Variants in HLTF observed in about 807,000 individuals in gnomAD.
HLTF encodes the protein DNA-dependent ATPase/E3 ubiquitin-protein ligase HLTF.
A neutral mutation model predicts 129.4 loss-of-function variants in HLTF; 127 were observed. The observed-to-expected ratio is 0.98, with a 90% CI of 0.85 to 1.14. The LOEUF (loss-of-function observed/expected upper bound fraction) is 1.14. Among genes scored for constraint, HLTF ranks in the 50% most tolerant of loss-of-function variants. The pLI is 0.00. For synonymous variants in HLTF, 332 were observed against 388.8 expected (o/e 0.85, Z 1.72); for missense variants, 1,139 against 1,187.1 (o/e 0.96, Z 0.60).
At chr3:149,086,512 CCGTCTCCTTCTGCAACAATCTGG>C in exon 1 of HLTF, 1 of 650,668 alleles carries the variant, frequency 1.5e-6, no homozygotes, top group Non-Finnish European at 2.7e-6. Context: ...GACGTCGACG[CCGTCTCCTTCTGCAACAATCTGG>C]GAGACCAGCG....
At chr3:149,038,846 T>C (rs1362776219) in intron 23 of HLTF, among the ~76,000 whole-genome samples, 2 of 152,172 alleles carry the variant, frequency 1.3e-5, no homozygotes, top group Non-Finnish European at 1.5e-5. Context: ...ATCTACCTCA[T>C]AAGGATGTTG....
Position 149,032,140 on chromosome 3 carries a change from C to A in HLTF, c.*80G>T. On this transcript the variant is annotated 3_prime_UTR_variant, in exon 25 of 25. Coordinates refer to ENST00000310053, the MANE Select transcript of HLTF (RefSeq NM_003071.4). ...CTTTTAGAAGACGTGTTCTCTAGATCTCATTTCTAAAACTCTGTATTTTTC... is the reference window on the plus strand; with the variant it reads ...CTTTTAGAAGACGTGTTCTCTAGATATCATTTCTAAAACTCTGTATTTTTC... The A allele has an allele frequency of 9.1e-7, 1 of 1,098,424 alleles. No homozygotes were observed. The highest frequency in any genetic ancestry group is 2.6e-5 in the East Asian group (1 of 38,584). 68.0% of individuals were successfully genotyped at this position (1,098,424 alleles called of 1,614,324 possible).
In HLTF at chr3:149,063,479, T is replaced by G. The variant is rs1718121788; in HGVS notation, c.1112A>C (p.Glu371Ala). ...SEQPSISDIKEKSKFRMSELS... is the reference protein window; with the variant it reads ...SEQPSISDIKAKSKFRMSELS... Reference sequence around the variant, plus strand: ...TTCTGACATGCGAAACTTACTCTTCTCCTTGATATCTGAAATACTGGGTTG... The same window carrying G: ...TTCTGACATGCGAAACTTACTCTTCGCCTTGATATCTGAAATACTGGGTTG... Residue 371 changes from glutamate to alanine, a missense_variant, in exon 10 of 25, where the codon GAG becomes GCG. Coordinates refer to ENST00000310053, the MANE Select transcript of HLTF (RefSeq NM_003071.4). The G allele has an allele frequency of 2.5e-6, 4 of 1,611,682 alleles. No individual in the cohort carries two copies. Among genetic ancestry groups the G allele is most frequent in the Non-Finnish European group, 3.4e-6 (4 of 1,177,928 alleles).
At chr3:149,034,125 A>T (rs1211420482) in intron 24 of HLTF, among the ~76,000 whole-genome samples, 4 of 152,192 alleles carry the variant, frequency 2.6e-5, no homozygotes, top group Non-Finnish European at 5.9e-5. Flanking sequence ...GTAAATGCAA[A>T]TTAGAACAGC....
intron 13 of HLTF, among the ~76,000 whole-genome samples, chr3:149,056,239 A>C (rs535973700): frequency 1.3e-4 from 20 of 152,342 alleles, no homozygotes; most frequent in African/African-American, 4.8e-4. Flanking sequence ...TAAATGGCTA[A>C]GTTTTAGGAT....
chr3:149,051,602 T>C (rs1047952050), intron 14 of HLTF, among the ~76,000 whole-genome samples: 2 of 152,236 alleles, frequency 1.3e-5, no homozygotes, highest in African/African-American at 4.8e-5. Context: ...AGCTCATGCC[T>C]GTAATCCCGG....
At position 149,032,037 on chromosome 3, in the gene HLTF, T is replaced by G. The variant is rs149651192; in HGVS notation, c.*183A>C. The G allele has an allele frequency of 9.6e-6, 4 of 417,066 alleles. No individual in the cohort carries two copies. Among genetic ancestry groups the G allele is most frequent in the African/African-American group, 8.2e-5 (4 of 48,668 alleles). 25.8% of individuals were successfully genotyped at this position (417,066 alleles called of 1,614,324 possible). On this transcript the variant is annotated 3_prime_UTR_variant, in exon 25 of 25. Transcript: ENST00000310053. ...GTATATAACGGAACTTATTGCTATT[T>G]GAAGTTTCATTAAAAATAGGTTCAT...
intron 14 of HLTF, among the ~76,000 whole-genome samples, chr3:149,053,042 T>G (rs1197481925): frequency 6.6e-6 from 1 of 152,218 alleles, no homozygotes; most frequent in Non-Finnish European, 1.5e-5. Context: ...GAAGTAGGAT[T>G]GGTACCCAGG....
chr3:149,078,851 C>T lies in HLTF; in HGVS notation c.229-2804G>A, dbSNP rs577637656. On this transcript the variant is annotated intron_variant, in intron 2 of 24. Coordinates refer to ENST00000310053, the MANE Select transcript of HLTF (RefSeq NM_003071.4). Reference sequence around the variant, plus strand: ...CAGCCTGGGCGACAAAGCAAGACTCCGTCTCAAAAAAAAAAAAAAATAAGT... The same window carrying T: ...CAGCCTGGGCGACAAAGCAAGACTCTGTCTCAAAAAAAAAAAAAAATAAGT... 3.9e-4 allele frequency among the ~76,000 whole-genome samples: 53 copies of T among 135,484 alleles called. No homozygotes were observed. The East Asian group carries it at 7.6e-3, about 20-fold the overall frequency. The allele number at this position is 135,484 out of a possible 152,430, so 88.9% of individuals were successfully genotyped here.
chr3:149,077,185 T>G (rs1264090959), intron 2 of HLTF, among the ~76,000 whole-genome samples: 1 of 151,716 alleles, frequency 6.6e-6, no homozygotes, highest in Non-Finnish European at 1.5e-5. Flanking sequence ...CAGGCAGAGG[T>G]TGCAGTGAGC....
At chr3:149,080,378 T>C (rs1383472072) in intron 2 of HLTF, among the ~76,000 whole-genome samples, 6 of 147,898 alleles carry the variant, frequency 4.1e-5, no homozygotes, top group Non-Finnish European at 7.4e-5. Flanking sequence ...TCCTTGAAAA[T>C]ATACAAGAAA....
chr3:149,053,933 C>T (rs1320071746), intron 14 of HLTF, among the ~76,000 whole-genome samples: 4 of 152,004 alleles, frequency 2.6e-5, no homozygotes, highest in Admixed American at 2.0e-4. Context: ...AAAGAAAGAA[C>T]AGTTTCGTTG....
At chr3:149,055,672 T>C (rs1717370978) in intron 13 of HLTF, among the ~76,000 whole-genome samples, 1 of 152,208 alleles carries the variant, frequency 6.6e-6, no homozygotes. Flanking sequence ...AGTCATTCAT[T>C]AAGACGAACA....
At chr3:149,042,349 T>A in intron 18 of HLTF, 59 bp from the exon 19 acceptor site, 1 of 1,409,402 alleles carries the variant, frequency 7.1e-7, no homozygotes, top group Non-Finnish European at 9.8e-7. Flanking sequence ...CTTCCTATTC[T>A]AAAACAGCAG....
At chr3:149,082,432 C>G (rs1719952845) in intron 2 of HLTF, among the ~76,000 whole-genome samples, 1 of 151,968 alleles carries the variant, frequency 6.6e-6, no homozygotes. Flanking sequence ...GCGCTCCAGC[C>G]TGAGAAACAG....
At chr3:149,055,030 T>TGG (rs60091976) in intron 14 of HLTF, among the ~76,000 whole-genome samples, 1 of 152,192 alleles carries the variant, frequency 6.6e-6, no homozygotes, top group Non-Finnish European at 1.5e-5. Context: ...TTTCCCACTT[T>TGG]GGGGGACAAA....
At chr3:149,059,966 C>T (rs1481335560) in intron 12 of HLTF, among the ~76,000 whole-genome samples, 159 bp from the exon 13 acceptor site, 1 of 152,134 alleles carries the variant, frequency 6.6e-6, no homozygotes, top group African/African-American at 2.4e-5. Context: ...ATTACTACCT[C>T]TGACACTAAG....
At chr3:149,068,659 T>C (rs1388430463) in intron 7 of HLTF, among the ~76,000 whole-genome samples, 3 of 152,220 alleles carry the variant, frequency 2.0e-5, no homozygotes, top group African/African-American at 7.2e-5. Context: ...TTATAACTAC[T>C]CATTTGCCAT....
At chr3:149,076,072 T>C (rs758336149) in intron 2 of HLTF, 25 bp from the exon 3 acceptor site, 1 of 873,722 alleles carries the variant, frequency 1.1e-6, no homozygotes, top group Non-Finnish European at 1.7e-6. Context: ...AAACAGATAA[T>C]ATTACATTAT....
Sources: allele counts gnomAD v4.1 joint callset (sites outside exome capture counted in the v4.1 genomes callset), GRCh38; gene constraint gnomAD v4.1.1; transcripts MANE v1.5; gene names NCBI Gene and HGNC (gene_info 2026-07-23, HGNC 2026-07-21).